The following LDLRAD2 variants were observed in gnomAD, a reference collection of about 807,000 sequenced individuals.
LDLRAD2 encodes low density lipoprotein receptor class A domain containing 2.
In LDLRAD2, 25 loss-of-function variants were observed where a neutral mutation model predicts 24.9. That is an observed-to-expected ratio of 1.00 (90% CI 0.73 to 1.40). The LOEUF (loss-of-function observed/expected upper bound fraction) is 1.40, where lower values mean the gene tolerates loss of function less well. Ranked by LOEUF, LDLRAD2 falls within the 40% of genes most tolerant of loss-of-function variation. LDLRAD2 has a pLI of 0.00. For synonymous variants in LDLRAD2, 182 were observed against 166.7 expected, an observed-to-expected ratio of 1.09 and a Z score of -0.71; for missense variants, 391 against 366.2, an observed-to-expected ratio of 1.07 and a Z score of -0.55.
At chr1:21,812,605 T>A in intron 1 of LDLRAD2, 69 bp downstream of exon 1, 1 of 1,320,878 alleles carries the variant, frequency 7.6e-7, no homozygotes, top group Non-Finnish European at 1.1e-6. Context: ...GAGACTATGT[T>A]TCCCCAGTCA....
At position 21,823,838 on chromosome 1, in the gene LDLRAD2, C is replaced by G. The variant is rs1345323220; in HGVS notation, c.*1623C>G. On this transcript the variant is annotated 3_prime_UTR_variant, in exon 5 of 5. Coordinates refer to ENST00000344642, the MANE Select transcript of LDLRAD2 (RefSeq NM_001013693.3). The stretch of plus-strand genomic sequence containing the variant: ...GACTCAGAAGTCTGTCCCTGTTTCC[C>G]AAGCTCTTTCTTTCCCCCGCTGAAC... The G allele has an allele frequency of 1.2e-5, 10 of 830,156 alleles. No individual in the cohort carries two copies. The highest frequency in any genetic ancestry group is 1.8e-5 in the Non-Finnish European group (9 of 498,786). 51.4% of individuals were successfully genotyped at this position (830,156 alleles called of 1,614,324 possible). A position where few individuals can be genotyped will look rare whatever the true frequency, so the allele number is the denominator to read the frequency against.
chr1:21,815,979 G>A lies in LDLRAD2; in HGVS notation c.548G>A (p.Arg183Lys). Residue 183 changes from arginine to lysine, a missense_variant, in exon 3 of 5, where the codon AGG becomes AAG. Arg to Lys is a conservative substitution (Grantham distance 26). Transcript: ENST00000344642. The stretch of plus-strand genomic sequence containing the variant: ...GCCTACTTCCGCTGCCAGAATGGCA[G>A]GTGCATCCCCTCAAGCCTCGTGTGT... Reference protein sequence around the residue: ...CGAYFRCQNGRCIPSSLVCDP... With the variant: ...CGAYFRCQNGKCIPSSLVCDP... 1 of 1,613,972 alleles carries A rather than the reference G, an allele frequency of 6.2e-7. No homozygotes were observed. Among genetic ancestry groups the A allele is most frequent in the South Asian group, 1.1e-5 (1 of 91,082 alleles).
At chr1:21,812,587 C>A in intron 1 of LDLRAD2, 51 bp downstream of exon 1, 2 of 1,455,926 alleles carry the variant, frequency 1.4e-6, no homozygotes, top group Non-Finnish European at 9.6e-7. Flanking sequence ...GGGCCCCCAC[C>A]ATCCTTAGAG....
In LDLRAD2 at chr1:21,815,160, C is replaced by T. The variant is rs72866963; in HGVS notation, c.511+337C>T. 3.3e-3 allele frequency among the ~76,000 whole-genome samples: 496 copies of T among 152,256 alleles called. 1 individual carries two copies. The highest frequency in any genetic ancestry group is 0.011 in the African/African-American group (465 of 41,540). ...CACACATTCACACACAACTCCCACA[C>T]GTTCACACCTCACACTCTGACATCC... On this transcript the variant is annotated intron_variant, in intron 2 of 4. Coordinates refer to ENST00000344642, the MANE Select transcript of LDLRAD2 (RefSeq NM_001013693.3).
At position 21,823,347 on chromosome 1, in the gene LDLRAD2, GCCTGGGC is replaced by G; in HGVS notation, c.*1133_*1139del. 6.5e-7 allele frequency: 1 copy of G among 1,543,508 alleles called. No homozygotes were observed. Among genetic ancestry groups the G allele is most frequent in the Non-Finnish European group, 8.7e-7 (1 of 1,148,012 alleles). ...GGGGCAGGGGCGTGTGTTGGCCCCG[GCCTGGGC>G]GCGGTGCTGCAGGTCCAGGGGCTGT... On this transcript the variant is annotated 3_prime_UTR_variant, in exon 5 of 5. Coordinates refer to ENST00000344642, the MANE Select transcript of LDLRAD2 (RefSeq NM_001013693.3).
At chr1:21,812,770 G>A (rs950032132) in intron 1 of LDLRAD2, among the ~76,000 whole-genome samples, 2 of 152,214 alleles carry the variant, frequency 1.3e-5, no homozygotes, top group African/African-American at 4.8e-5. Flanking sequence ...GGGCAGGACA[G>A]CCCTCAGGGC....
chr1:21,821,645 C>T, intron 4 of LDLRAD2, 34 bp downstream of exon 4: 8 of 1,607,518 alleles, frequency 5.0e-6, no homozygotes, highest in Non-Finnish European at 5.1e-6. Context: ...CCACCAAAAT[C>T]ATACCTGTCC....
At chr1:21,816,100 C>T (rs1366152483) in intron 3 of LDLRAD2, 26 bp downstream of exon 3, 1 of 1,608,356 alleles carries the variant, frequency 6.2e-7, no homozygotes, top group East Asian at 2.2e-5. Context: ...GGACTGGGCC[C>T]TACTGAACAG....
In LDLRAD2 at chr1:21,812,396, A is replaced by C; in HGVS notation, c.-56A>C. On this transcript the variant is annotated 5_prime_UTR_variant, in exon 1 of 5. Transcript: ENST00000344642. ...GCCCCATACTCCAGTCTCCCCAGAGACCCCAAGCTGAAGATTCTGTGGGTC... is the reference window on the plus strand; with the variant it reads ...GCCCCATACTCCAGTCTCCCCAGAGCCCCCAAGCTGAAGATTCTGTGGGTC... 4 of 1,445,158 alleles carry C rather than the reference A, an allele frequency of 2.8e-6. No homozygotes were observed. Among genetic ancestry groups the C allele is most frequent in the Non-Finnish European group, 3.9e-6 (4 of 1,029,034 alleles). The allele number at this position is 1,445,158 out of a possible 1,614,324, so 89.5% of individuals were successfully genotyped here.
chr1:21,824,627 G>A lies in LDLRAD2; in HGVS notation c.*2412G>A, dbSNP rs925808398. 1.2e-6 allele frequency: 2 copies of A among 1,614,070 alleles called. No homozygotes were observed. The highest frequency in any genetic ancestry group is 1.7e-5 in the Admixed American group (1 of 60,020). On this transcript the variant is annotated 3_prime_UTR_variant, in exon 5 of 5. Transcript: ENST00000344642. This position sits in a 1 kb window ranked among gnomAD's most constrained non-coding sequence, Gnocchi z 5.9. Reference sequence around the variant, plus strand: ...GCACCTCGGGCAGGCTGCGGAGGAAGAGCGGGTGAGGGGACAGAAGTCCCA... The same window carrying A: ...GCACCTCGGGCAGGCTGCGGAGGAAAAGCGGGTGAGGGGACAGAAGTCCCA...
At chr1:21,817,641 T>C (rs2097945255) in intron 3 of LDLRAD2, among the ~76,000 whole-genome samples, 1 of 151,836 alleles carries the variant, frequency 6.6e-6, no homozygotes, top group South Asian at 2.1e-4. Context: ...AGGGCAGTTT[T>C]AGATTTACAA....
In LDLRAD2 at chr1:21,823,157, A is replaced by C. The variant is rs2097956278; in HGVS notation, c.*942A>C. The C allele has an allele frequency of 1.5e-6, 1 of 674,420 alleles. No individual in the cohort carries two copies. Among genetic ancestry groups the C allele is most frequent in the South Asian group, 2.8e-5 (1 of 35,772 alleles). The allele number at this position is 674,420 out of a possible 1,614,324, so 41.8% of individuals were successfully genotyped here. ...GTGGCTTTGCCCAGCTGTGTGTGTGAGGGTGGCATGCCCACCTCCAGTCCA... is the reference window on the plus strand; with the variant it reads ...GTGGCTTTGCCCAGCTGTGTGTGTGCGGGTGGCATGCCCACCTCCAGTCCA... On this transcript the variant is annotated 3_prime_UTR_variant, in exon 5 of 5. Coordinates refer to ENST00000344642, the MANE Select transcript of LDLRAD2 (RefSeq NM_001013693.3).
At chr1:21,821,838 GTGCCCGTGGCC>G in intron 4 of LDLRAD2, 1 of 1,428,088 alleles carries the variant, frequency 7.0e-7, no homozygotes, top group Non-Finnish European at 9.1e-7. Context: ...TGGCAACCTG[GTGCCCGTGGCC>G]TCTGCCTCCA....
intron 3 of LDLRAD2, among the ~76,000 whole-genome samples, chr1:21,820,785 T>C (rs1306093994): frequency 6.6e-6 from 1 of 152,258 alleles, no homozygotes; most frequent in Non-Finnish European, 1.5e-5. Context: ...AAGGAACCTC[T>C]ATGCCTCAGT....
chr1:21,825,113 A>C lies in LDLRAD2; in HGVS notation c.*2898A>C. 2.6e-6 allele frequency: 1 copy of C among 388,750 alleles called. No individual in the cohort carries two copies. The allele number at this position is 388,750 out of a possible 1,614,324, so 24.1% of individuals were successfully genotyped here. ...ACAGTAGCTGCAAATATTTCAAAAT[A>C]TCATTTACACATATTGCTGCTTTGA... On this transcript the variant is annotated 3_prime_UTR_variant, in exon 5 of 5. Transcript: ENST00000344642.
In LDLRAD2 at chr1:21,824,048, C is replaced by G. The variant is rs1050276798; in HGVS notation, c.*1833C>G. 1 of 1,374,842 alleles carries G rather than the reference C, an allele frequency of 7.3e-7. No individual in the cohort carries two copies. Among genetic ancestry groups the G allele is most frequent in the African/African-American group, 1.4e-5 (1 of 70,342 alleles). The allele number at this position is 1,374,842 out of a possible 1,614,324, so 85.2% of individuals were successfully genotyped here. On this transcript the variant is annotated 3_prime_UTR_variant, in exon 5 of 5. Coordinates refer to ENST00000344642, the MANE Select transcript of LDLRAD2 (RefSeq NM_001013693.3). This position sits in a 1 kb window ranked among gnomAD's most constrained non-coding sequence, Gnocchi z 5.9. The stretch of plus-strand genomic sequence containing the variant: ...ACAGAGCTCAATACCTGCCTCTCTG[C>G]CCATGGTAGGGGGCGTCCTGCCCCA...
Position 21,823,651 on chromosome 1 carries a change from T to C in LDLRAD2, c.*1436T>C, listed in dbSNP as rs1008919632. ...GCTGCCCTTGGCGTTGACTGCCACG[T>C]TGGGACCTGGGGACCGGCCGCTGAC... On this transcript the variant is annotated 3_prime_UTR_variant, in exon 5 of 5. Coordinates refer to ENST00000344642, the MANE Select transcript of LDLRAD2 (RefSeq NM_001013693.3). 2.5e-5 allele frequency: 40 copies of C among 1,613,666 alleles called. No homozygotes were observed. Among genetic ancestry groups the C allele is most frequent in the Non-Finnish European group, 3.3e-5 (39 of 1,179,998 alleles).
chr1:21,820,367 C>A (rs1285413346), intron 3 of LDLRAD2, among the ~76,000 whole-genome samples: 1 of 151,794 alleles, frequency 6.6e-6, no homozygotes, highest in African/African-American at 2.4e-5. Context: ...ACTAAAAATA[C>A]AAAAAATTAG....
chr1:21,814,542 T>C lies in LDLRAD2; in HGVS notation c.230T>C (p.Ile77Thr). Residue 77 changes from isoleucine (I) to threonine (T), a missense_variant, in exon 2 of 5, where the codon ATC becomes ACC. By Grantham distance (89) the Ile-to-Thr change is moderately conservative (BLOSUM62 -1). Transcript: ENST00000344642. ...WVQAAAPGDR[I>T]RFQFRFFLVY... ...CAGGCGGCAGCCCCCGGCGACCGGA[T>C]CCGCTTCCAGTTCCGCTTCTTCCTG... 1.2e-6 allele frequency: 2 copies of C among 1,612,426 alleles called. No individual in the cohort carries two copies. Among genetic ancestry groups the C allele is most frequent in the Non-Finnish European group, 1.7e-6 (2 of 1,179,564 alleles).
Sources: allele counts gnomAD v4.1 joint callset (sites outside exome capture counted in the v4.1 genomes callset), GRCh38; gene constraint gnomAD v4.1.1; non-coding constraint Gnocchi (gnomAD v3.1); transcripts MANE v1.5; gene names NCBI Gene and HGNC (gene_info 2026-07-23, HGNC 2026-07-21).